PLXNB3: variants seen among roughly 807,000 people sequenced by gnomAD.
PLXNB3 encodes the protein plexin-B3.
PLXNB3 carries 80 observed loss-of-function variants against 125.7 expected under a neutral mutation model. The observed-to-expected ratio is 0.64, with a 90% CI of 0.53 to 0.77. The LOEUF is 0.77. Among genes scored for constraint, PLXNB3 ranks in the 30% least tolerant of loss-of-function variants. The probability of loss-of-function intolerance (pLI) is 0.00; values close to 1 mark genes in which losing one functional copy is unlikely to be tolerated. For missense variants in PLXNB3, 1,836 were observed against 1,729.3 expected (o/e 1.06, Z -1.09); for synonymous variants, 954 against 783.3 (o/e 1.22, Z -3.64).
Position 153,777,389 on chromosome X carries a change from G to C in PLXNB3, c.5100+9G>C. The stretch of plus-strand genomic sequence containing the variant: ...GTCTGCTGTCCATGAAGGTTGGTGC[G>C]GCCTGGGTGGCTGGGCCTGAGAGGA... On this transcript the variant is annotated intron_variant, in intron 30 of 35. Coordinates refer to ENST00000361971, the MANE Select transcript of PLXNB3 (RefSeq NM_005393.3). 1 of 1,188,380 alleles carries C rather than the reference G, an allele frequency of 8.4e-7. No individual in the cohort carries two copies. The highest frequency in any genetic ancestry group is 2.3e-4 in the Middle Eastern group (1 of 4,262).
intron 32 of PLXNB3, 56 bp downstream of exon 32, chrX:153,778,151 G>A: frequency 2.5e-6 from 3 of 1,201,038 alleles, no homozygotes; most frequent in Non-Finnish European, 3.4e-6. Context: ...AAAGGCTTAT[G>A]GGGGAAGCCT....
At chrX:153,775,510 C>T in intron 25 of PLXNB3, 84 bp from the exon 26 acceptor site, 3 of 1,154,232 alleles carry the variant, frequency 2.6e-6, no homozygotes, top group Non-Finnish European at 3.5e-6. Flanking sequence ...CCAGGAAGCC[C>T]CAGCAGGTGG....
rs191019493 is a variant in PLXNB3, at chrX:153,773,721, C to T, written c.3279+8C>T. On this transcript the variant is annotated splice_region_variant and intron_variant, in intron 19 of 35. Transcript: ENST00000361971. ...GGTGGGGGGCTGCTGCAGGTGAGCCCCTCACCAGCAGGCGACAAGGCTGTC... is the reference window on the plus strand; with the variant it reads ...GGTGGGGGGCTGCTGCAGGTGAGCCTCTCACCAGCAGGCGACAAGGCTGTC... The T allele has an allele frequency of 4.1e-3, 4,731 of 1,164,300 alleles. 11 individuals carry two copies. Among genetic ancestry groups the T allele is most frequent in the Middle Eastern group, 9.2e-3 (31 of 3,386 alleles).
intron 2 of PLXNB3, chrX:153,766,611 G>C (rs1363740161): frequency 9.5e-7 from 1 of 1,056,735 alleles, no homozygotes; most frequent in Admixed American, 4.4e-5. Context: ...TTCTGTCCTT[G>C]TGTGCTTGTG....
In PLXNB3 at chrX:153,773,651, A is replaced by G; in HGVS notation, c.3217A>G (p.Ser1073Gly). 8.4e-7 allele frequency: 1 copy of G among 1,187,412 alleles called. No homozygotes were observed. Among genetic ancestry groups the G allele is most frequent in the South Asian group, 1.9e-5 (1 of 53,635 alleles). The part of the protein sequence containing the change: ...AQPQDPQPRR[S>G]CGAPAADPQA... ...GCCCCAGGACCCACAGCCAAGGAGG[A>G]GCTGTGGAGCCCCTGCTGCGGACCC... Residue 1073 changes from serine to glycine, a missense_variant, in exon 19 of 36, where the codon AGC (serine) becomes GGC (glycine). By Grantham distance (56) the Ser-to-Gly change is moderately conservative (BLOSUM62 0). Transcript: ENST00000361971.
chrX:153,772,438 G>A (rs781939108), intron 16 of PLXNB3, 151 bp downstream of exon 16: 4 of 497,590 alleles, frequency 8.0e-6, no homozygotes, highest in Non-Finnish European at 1.3e-5. Context: ...TGTGAGTGGA[G>A]GTGGGCAGCC....
Position 153,774,232 on chromosome X carries a change from A to T in PLXNB3, c.3566A>T (p.His1189Leu). The T allele has an allele frequency of 8.3e-7, 1 of 1,199,585 alleles. No homozygotes were observed. The highest frequency in any genetic ancestry group is 1.1e-6 in the Non-Finnish European group (1 of 893,376). The change falls in exon 21 of 36, where the codon CAC (histidine) becomes CTC (leucine). Residue 1189 changes from histidine to leucine, a missense_variant. His to Leu is a moderately conservative substitution (Grantham distance 99). Transcript: ENST00000361971. The stretch of plus-strand genomic sequence containing the variant: ...ATCAGCAAGGAGGAGGTGCGCGTGC[A>T]CATCGGCCGCGGCGAGTGCCTGGTG... ...LGISKEEVRV[H>L]IGRGECLVKT...
At position 153,775,042 on chromosome X, in the gene PLXNB3, C is replaced by T. The variant is rs1557063561; in HGVS notation, c.4094C>T (p.Thr1365Ile). 4.1e-6 allele frequency: 5 copies of T among 1,209,768 alleles called. No homozygotes were observed. Among genetic ancestry groups the T allele is most frequent in the Non-Finnish European group, 5.6e-6 (5 of 894,596 alleles). ...CCAGGGGAGGACGGCCACTGTGCCA[C>T]TGTGCGCCAGGGCCTCACGCAGCTC... Reference protein sequence around the residue: ...EGPGEDGHCATVRQGLTQLSN... With the variant: ...EGPGEDGHCAIVRQGLTQLSN... Residue 1365 changes from threonine (T) to isoleucine (I), a missense_variant, in exon 24 of 36, where the codon ACT (threonine) becomes ATT (isoleucine). Thr to Ile is a moderately conservative substitution (Grantham distance 89). Coordinates refer to ENST00000361971, the MANE Select transcript of PLXNB3 (RefSeq NM_005393.3).
In PLXNB3 at chrX:153,777,278, G is replaced by A; in HGVS notation, c.4998G>A (p.Glu1666=). The A allele has an allele frequency of 1.7e-6, 2 of 1,201,175 alleles. No homozygotes were observed. The highest frequency in any genetic ancestry group is 2.2e-6 in the Non-Finnish European group (2 of 889,433). The change falls in exon 30 of 36, where the codon GAG becomes GAA. Residue 1666 remains glutamate, a synonymous_variant. Coordinates refer to ENST00000361971, the MANE Select transcript of PLXNB3 (RefSeq NM_005393.3). The stretch of plus-strand genomic sequence containing the variant: ...GGCACCTGGTGAAAGCCACCGAGGA[G>A]CCAGAAGGGGCCAAGGTGCGGTGCA... The part of the protein sequence containing the change: ...CLWHLVKATE[E]PEGAKVRCSS...
At chrX:153,774,132 T>G in intron 20 of PLXNB3, 34 bp downstream of exon 20, 6 of 1,198,316 alleles carry the variant, frequency 5.0e-6, no homozygotes, top group Non-Finnish European at 6.7e-6. Flanking sequence ...CCCGCCACGG[T>G]GCTCAGGCCG....
intron 31 of PLXNB3, 103 bp from the exon 32 acceptor site, chrX:153,777,845 C>A: frequency 2.8e-6 from 3 of 1,086,860 alleles, no homozygotes; most frequent in South Asian, 4.3e-5. Context: ...CAGCTTCCAG[C>A]GGCCCCTGGC....
At position 153,773,127 on chromosome X, in the gene PLXNB3, T is replaced by C. The variant is rs2091951383; in HGVS notation, c.2907-103T>C. 9.3e-6 allele frequency: 10 copies of C among 1,077,320 alleles called. 1 individual carries two copies. The East Asian group carries it at 2.8e-4, about 30-fold the overall frequency. 88.8% of individuals were successfully genotyped at this position (1,077,320 alleles called of 1,213,427 possible). A position where few individuals can be genotyped will look rare whatever the true frequency, so the allele number is the denominator to read the frequency against. On this transcript the variant is annotated intron_variant, in intron 17 of 35. Transcript: ENST00000361971. ...GGCCACCCCCAGTGGTCCCTGCCCT[T>C]GTCAAGGCAGGCAAAGCAGGGCTTC...
At chrX:153,766,603 C>A (rs781862165) in intron 2 of PLXNB3, 572 of 1,054,682 alleles carry the variant, frequency 5.4e-4, no homozygotes, top group Non-Finnish European at 6.7e-4. Context: ...TGAAAGAATT[C>A]TGTCCTTGTG....
intron 12 of PLXNB3, 59 bp from the exon 13 acceptor site, chrX:153,771,251 G>A (rs2091926241): frequency 2.0e-6 from 2 of 1,018,832 alleles, no homozygotes; most frequent in South Asian, 1.9e-5. Context: ...GCCCAGAGGA[G>A]ACAAGAGTCA....
At chrX:153,769,995 T>C in intron 7 of PLXNB3, 56 bp downstream of exon 7, 1 of 1,190,335 alleles carries the variant, frequency 8.4e-7, no homozygotes, top group Non-Finnish European at 1.1e-6. Context: ...GCCTGGAGCA[T>C]GAACCCCGCC....
In PLXNB3 at chrX:153,769,791, G is replaced by A. The variant is rs781861908; in HGVS notation, c.1497-16G>A. On this transcript the variant is annotated splice_polypyrimidine_tract_variant and intron_variant, in intron 6 of 35. Transcript: ENST00000361971. The stretch of plus-strand genomic sequence containing the variant: ...CTAGGACCCCCACGGTGACCTGATG[G>A]ACCCCTGCCTGGCAGGTGTACCCGG... The A allele has an allele frequency of 8.3e-7, 1 of 1,200,639 alleles. No individual in the cohort carries two copies.
chrX:153,769,962 G>A (rs961583198), intron 7 of PLXNB3, 23 bp downstream of exon 7: 1 of 1,198,003 alleles, frequency 8.3e-7, no homozygotes, highest in Non-Finnish European at 1.1e-6. Context: ...CCACCACTGG[G>A]CCCTCTGGGC....
At chrX:153,770,051 T>C in intron 7 of PLXNB3, 41 bp from the exon 8 acceptor site, 1 of 1,203,512 alleles carries the variant, frequency 8.3e-7, no homozygotes, top group Non-Finnish European at 1.1e-6. Flanking sequence ...CTGCCCCCTC[T>C]CTCTGGCTAC....
At chrX:153,766,139 A>G (rs1024716770) in intron 2 of PLXNB3, 18 of 1,096,331 alleles carry the variant, frequency 1.6e-5, no homozygotes, top group Non-Finnish European at 2.1e-5. Context: ...TTGTCTCTTG[A>G]CACCCCTGGC....
Sources: allele counts gnomAD v4.1 joint callset, GRCh38; gene constraint gnomAD v4.1.1; transcripts MANE v1.5; gene names NCBI Gene and HGNC (gene_info 2026-07-23, HGNC 2026-07-21).